The following ZNF503 variants were observed in gnomAD, a reference collection of about 807,000 sequenced individuals.
The protein encoded by ZNF503 is zinc finger protein 503.
Under a neutral mutation model 34.4 loss-of-function variants are expected in ZNF503, and 15 were observed. The ratio of observed to expected loss-of-function variants is 0.44; its 90% CI spans 0.29 to 0.67. ZNF503 has a LOEUF of 0.67. Among genes scored for constraint, ZNF503 ranks in the 30% least tolerant of loss-of-function variants. ZNF503 has a pLI of 0.13. For missense variants in ZNF503, 1,007 were observed against 926.8 expected (o/e 1.09, Z -1.12); for synonymous variants, 580 against 456.8 (o/e 1.27, Z -3.44).
At position 75,401,342 on chromosome 10, in the gene ZNF503, G is replaced by GCCGCCT. The variant is rs374168185; in HGVS notation, c.72_77dup (p.Gly26_Gly27dup). 287 of 1,538,584 alleles carry GCCGCCT rather than the reference G, an allele frequency of 1.9e-4. No individual in the cohort carries two copies. Among genetic ancestry groups the GCCGCCT allele is most frequent in the African/African-American group, 1.2e-3 (90 of 72,634 alleles). ...CGCTGGTCCAGGCAGGGTCTGCACC[G>GCCGCCT]CCGCCTCCGCCTCCGCCGCCGCCGC... On this transcript the variant is annotated inframe_insertion, in exon 1 of 2. Transcript: ENST00000372524.
chr10:75,294,645 T>A, the ZNF503 span, among the ~76,000 whole-genome samples: 1 of 148,886 alleles, frequency 6.7e-6, no homozygotes, highest in Non-Finnish European at 1.5e-5. Flanking sequence ...CTGAAGGCAG[T>A]CGCCCAAGGG....
At chr10:75,313,240 G>A in the ZNF503 span, among the ~76,000 whole-genome samples, 1 of 152,196 alleles carries the variant, frequency 6.6e-6, no homozygotes, top group East Asian at 1.9e-4. Flanking sequence ...CATCCACAAT[G>A]AGAATACCTT....
chr10:75,366,922 A>G, the ZNF503 span, among the ~76,000 whole-genome samples: 2 of 152,116 alleles, frequency 1.3e-5, no homozygotes, highest in Non-Finnish European at 2.9e-5. Flanking sequence ...CTTGCTTAAT[A>G]TATCTCTTAC....
the ZNF503 span, chr10:75,360,986 A>G: frequency 6.6e-6 from 1 of 152,246 alleles, no homozygotes; most frequent in Non-Finnish European, 1.5e-5. Context: ...ATACACACAA[A>G]AAACCAAGAG....
At chr10:75,292,108 A>C in the ZNF503 span, among the ~76,000 whole-genome samples, 1 of 152,212 alleles carries the variant, frequency 6.6e-6, no homozygotes, top group Admixed American at 6.5e-5. Context: ...ACTCCCTGGC[A>C]TGAGGGGTGA....
At chr10:75,306,124 A>G in the ZNF503 span, among the ~76,000 whole-genome samples, 3 of 152,158 alleles carry the variant, frequency 2.0e-5, no homozygotes, top group Non-Finnish European at 4.4e-5. Flanking sequence ...AATGTTTTCC[A>G]TAGTGGCCCT....
the ZNF503 span, among the ~76,000 whole-genome samples, chr10:75,343,824 GC>G: frequency 6.6e-6 from 1 of 152,314 alleles, no homozygotes; most frequent in East Asian, 1.9e-4. Flanking sequence ...GAGAAGTTGA[GC>G]CCTGAAAGAA....
the ZNF503 span, among the ~76,000 whole-genome samples, chr10:75,348,041 C>G: frequency 6.6e-6 from 1 of 151,914 alleles, no homozygotes; most frequent in Non-Finnish European, 1.5e-5. Flanking sequence ...CGCCACCACA[C>G]CTGGCTAATT....
At chr10:75,291,604 C>G in the ZNF503 span, among the ~76,000 whole-genome samples, 1 of 152,150 alleles carries the variant, frequency 6.6e-6, no homozygotes. Context: ...CAGTGAGACT[C>G]TGTCTCAAAA....
chr10:75,303,281 A>G, the ZNF503 span, among the ~76,000 whole-genome samples: 1 of 152,224 alleles, frequency 6.6e-6, no homozygotes, highest in Non-Finnish European at 1.5e-5. Context: ...CAGGTGAGAG[A>G]AACAACTGCA....
chr10:75,396,743 A>C (rs1163418179), downstream of ZNF503, among the ~76,000 whole-genome samples: 1 of 152,042 alleles, frequency 6.6e-6, no homozygotes, highest in African/African-American at 2.4e-5. The surrounding 1 kb of genome is among the most constrained non-coding windows in gnomAD (Gnocchi z 4.4). Flanking sequence ...AATCCTTGGA[A>C]AGGGCGCTCT....
the ZNF503 span, among the ~76,000 whole-genome samples, chr10:75,301,683 T>C: frequency 6.6e-6 from 1 of 152,224 alleles, no homozygotes; most frequent in African/African-American, 2.4e-5. Context: ...GCTCTGATGA[T>C]TACAATTGCA....
At chr10:75,301,770 C>G in the ZNF503 span, among the ~76,000 whole-genome samples, 9 of 152,112 alleles carry the variant, frequency 5.9e-5, no homozygotes, top group African/African-American at 1.7e-4. Flanking sequence ...TCCAATACAT[C>G]TCCTTTTCTT....
the ZNF503 span, among the ~76,000 whole-genome samples, chr10:75,353,643 A>G: frequency 1.3e-5 from 2 of 152,160 alleles, no homozygotes; most frequent in Non-Finnish European, 2.9e-5. Flanking sequence ...TGAAACTGTC[A>G]AGAAGGGAGG....
chr10:75,382,877 C>G, the ZNF503 span: 2 of 252,552 alleles, frequency 7.9e-6, no homozygotes, highest in Non-Finnish European at 1.7e-5. Flanking sequence ...GGAGCCTCCT[C>G]TTTCTCTGGG....
At chr10:75,340,598 C>CTTTTTTTTTTTTTTTTTTTT in the ZNF503 span, among the ~76,000 whole-genome samples, 1 of 148,498 alleles carries the variant, frequency 6.7e-6, no homozygotes, top group Non-Finnish European at 1.5e-5. Context: ...GCTGCTGTCT[C>CTTTTTTTTTTTTTTTTTTTT]TTTTTTTTTT....
At chr10:75,310,839 G>GAGC in the ZNF503 span, among the ~76,000 whole-genome samples, 2 of 152,058 alleles carry the variant, frequency 1.3e-5, no homozygotes, top group Admixed American at 1.3e-4. Context: ...CCCCCAACCA[G>GAGC]AGCAGTGTCA....
At chr10:75,339,703 G>A in the ZNF503 span, among the ~76,000 whole-genome samples, 4 of 152,284 alleles carry the variant, frequency 2.6e-5, no homozygotes, top group African/African-American at 7.2e-5. Flanking sequence ...GTCCCTGGGG[G>A]AAAAGTAGAT....
chr10:75,375,391 G>A, the ZNF503 span, among the ~76,000 whole-genome samples: 77 of 152,316 alleles, frequency 5.1e-4, no homozygotes, highest in Middle Eastern at 6.8e-3. Context: ...AAAGTGCTGG[G>A]ATTTACAGGC....
Sources: allele counts gnomAD v4.1 joint callset (sites outside exome capture counted in the v4.1 genomes callset), GRCh38; gene constraint gnomAD v4.1.1; non-coding constraint Gnocchi (gnomAD v3.1); transcripts MANE v1.5; gene names NCBI Gene and HGNC (gene_info 2026-07-23, HGNC 2026-07-21).